The following CECR2 variants were observed in gnomAD, a reference collection of about 807,000 sequenced individuals.
The protein encoded by CECR2 is CECR2 histone acetyl-lysine reader, also known as chromatin remodeling regulator CECR2.
Under a neutral mutation model 154.5 loss-of-function variants are expected in CECR2, and 30 were observed. The ratio of observed to expected loss-of-function variants is 0.19; its 90% CI spans 0.15 to 0.26. The LOEUF (loss-of-function observed/expected upper bound fraction) is 0.26. Among genes scored for constraint, CECR2 ranks in the 10% least tolerant of loss-of-function variants. The pLI is 1.00. For missense variants in CECR2, 1,743 were observed against 1,829.3 expected (o/e 0.95, Z 0.86); for synonymous variants, 725 against 683.7 (o/e 1.06, Z -0.94).
intron 1 of CECR2, among the ~76,000 whole-genome samples, chr22:17,437,607 A>T (rs1166908408): frequency 6.6e-6 from 1 of 152,162 alleles, no homozygotes; most frequent in Non-Finnish European, 1.5e-5. Flanking sequence ...TTCATAGTAT[A>T]TTACTGTAGA....
intron 1 of CECR2, among the ~76,000 whole-genome samples, chr22:17,377,726 T>C (rs1209903328): frequency 6.6e-6 from 1 of 152,252 alleles, no homozygotes; most frequent in Non-Finnish European, 1.5e-5. Context: ...CATGGGATGC[T>C]ATCCCTTGGA....
At chr22:17,491,618 A>G (rs1428703458) in intron 2 of CECR2, among the ~76,000 whole-genome samples, 1 of 151,258 alleles carries the variant, frequency 6.6e-6, no homozygotes, top group African/African-American at 2.4e-5. Flanking sequence ...AGGGCAAACA[A>G]TATATATCCT....
intron 1 of CECR2, among the ~76,000 whole-genome samples, chr22:17,429,991 A>C (rs903948952): frequency 2.0e-5 from 3 of 152,178 alleles, no homozygotes; most frequent in African/African-American, 7.2e-5. Context: ...ATAGAGGTTA[A>C]ACCAGTTTAG....
chr22:17,433,879 A>G (rs755885189), intron 1 of CECR2, among the ~76,000 whole-genome samples: 1 of 152,188 alleles, frequency 6.6e-6, no homozygotes, highest in African/African-American at 2.4e-5. Context: ...GGTTTTTGCA[A>G]TACACAACCT....
At chr22:17,518,334 G>A (rs1039905951) in intron 8 of CECR2, among the ~76,000 whole-genome samples, 3 of 152,196 alleles carry the variant, frequency 2.0e-5, no homozygotes, top group African/African-American at 7.2e-5. Context: ...AGTCTTGAAA[G>A]CAGATGTTAG....
intron 1 of CECR2, among the ~76,000 whole-genome samples, chr22:17,373,260 A>G (rs1361300692): frequency 6.6e-6 from 1 of 152,134 alleles, no homozygotes; most frequent in Admixed American, 6.6e-5. Context: ...TTTTTACTCT[A>G]TTAATCAACC....
At chr22:17,517,088 A>G (rs773325992) in intron 8 of CECR2, among the ~76,000 whole-genome samples, 10 of 151,218 alleles carry the variant, frequency 6.6e-5, no homozygotes, top group Non-Finnish European at 1.3e-4. Context: ...CATCTTGGCC[A>G]GGCTGGTCTC....
At chr22:17,541,530 A>G (rs982048910) in intron 14 of CECR2, among the ~76,000 whole-genome samples, 2 of 152,248 alleles carry the variant, frequency 1.3e-5, no homozygotes, top group African/African-American at 2.4e-5. Context: ...CTGCAACATT[A>G]TAAGATTTCA....
At chr22:17,527,111 G>A (rs961511535) in intron 9 of CECR2, among the ~76,000 whole-genome samples, 1 of 152,148 alleles carries the variant, frequency 6.6e-6, no homozygotes, top group Admixed American at 6.6e-5. Flanking sequence ...CTAATAATCG[G>A]ATATTAAAAT....
At chr22:17,516,463 T>C (rs1362487272) in intron 8 of CECR2, among the ~76,000 whole-genome samples, 1 of 152,128 alleles carries the variant, frequency 6.6e-6, no homozygotes, top group Non-Finnish European at 1.5e-5. Context: ...TGGCTCTGTG[T>C]CCCCACCCAG....
rs1406847212 is a variant in CECR2, at chr22:17,557,319, T to A, written c.*4479T>A. The A allele has an allele frequency of 6.6e-6, 1 of 152,130 alleles. No individual in the cohort carries two copies. Among genetic ancestry groups the A allele is most frequent in the Non-Finnish European group, 1.5e-5 (1 of 68,042 alleles). 9.4% of individuals were successfully genotyped at this position (152,130 alleles called of 1,614,324 possible). ...GCGCACCACCACTCCCAGCTAATTT[T>A]TGTATTTTTAGTAGAGGCGGGGTTT... On this transcript the variant is annotated 3_prime_UTR_variant, in exon 19 of 19. Coordinates refer to ENST00000262608, the MANE Select transcript of CECR2 (RefSeq NM_001290047.2).
In CECR2 at chr22:17,524,278, G is replaced by A; in HGVS notation, c.1108+7G>A. On this transcript the variant is annotated splice_region_variant and intron_variant, in intron 9 of 18. Transcript: ENST00000262608. ...AAGGTCAAGGCAGTGGAAGGTATGTGCAGTGTCCGCGTGGTCTGGAGAGGT... is the reference window on the plus strand; with the variant it reads ...AAGGTCAAGGCAGTGGAAGGTATGTACAGTGTCCGCGTGGTCTGGAGAGGT... 6.2e-7 allele frequency: 1 copy of A among 1,606,106 alleles called. No homozygotes were observed. Among genetic ancestry groups the A allele is most frequent in the South Asian group, 1.1e-5 (1 of 89,334 alleles).
chr22:17,413,786 C>G (rs145285787), intron 1 of CECR2, among the ~76,000 whole-genome samples: 11,624 of 150,940 alleles, frequency 0.077, 1,197 homozygotes, highest in African/African-American at 0.24. Flanking sequence ...ACGCCATTCT[C>G]CTGCCTCAGC....
chr22:17,507,282 G>C (rs1008152636), intron 7 of CECR2, among the ~76,000 whole-genome samples: 7 of 152,286 alleles, frequency 4.6e-5, no homozygotes, highest in South Asian at 2.1e-4. Flanking sequence ...CGCCGTCCTG[G>C]ATGATCCAGA....
chr22:17,462,947 C>T (rs1310003045), intron 1 of CECR2, among the ~76,000 whole-genome samples: 4 of 152,134 alleles, frequency 2.6e-5, no homozygotes, highest in African/African-American at 9.7e-5. Context: ...TGGGCAAATA[C>T]AATTTTGGGG....
At chr22:17,416,456 G>C (rs538205042) in intron 1 of CECR2, among the ~76,000 whole-genome samples, 1 of 152,210 alleles carries the variant, frequency 6.6e-6, no homozygotes, top group Non-Finnish European at 1.5e-5. Flanking sequence ...AAACCAAATA[G>C]GGTATGTTGG....
intron 2 of CECR2, among the ~76,000 whole-genome samples, chr22:17,481,699 A>G (rs968707735): frequency 3.9e-5 from 6 of 152,212 alleles, no homozygotes; most frequent in African/African-American, 1.2e-4. Flanking sequence ...GTTGTGATAG[A>G]CACAAAAATT....
chr22:17,477,700 T>C lies in CECR2; in HGVS notation c.221+18T>C, dbSNP rs1351608927. 3 of 1,543,914 alleles carry C rather than the reference T, an allele frequency of 1.9e-6. No individual in the cohort carries two copies. Among genetic ancestry groups the C allele is most frequent in the Non-Finnish European group, 2.7e-6 (3 of 1,116,634 alleles). ...GATATCACGTGAGTAATTCTGATCT[T>C]TCTAAGCATTTCTTGCGCCAAGAAC... On this transcript the variant is annotated intron_variant, in intron 2 of 18. Coordinates refer to ENST00000262608, the MANE Select transcript of CECR2 (RefSeq NM_001290047.2).
At chr22:17,365,860 TAA>T (rs397940356), upstream of CECR2, among the ~76,000 whole-genome samples, 9 of 133,476 alleles carry the variant, frequency 6.7e-5, no homozygotes, top group Admixed American at 7.6e-5. Context: ...ACCCCCTATG[TAA>T]AAAAAAAAAA....
Sources: gnomAD v4.1 joint callset for allele counts (sites outside exome capture counted in the v4.1 genomes callset) on GRCh38, gnomAD v4.1.1 for gene constraint, MANE v1.5 for transcripts, NCBI Gene and HGNC (gene_info 2026-07-23, HGNC 2026-07-21) for gene names.